NF1: variants seen among roughly 807,000 people sequenced by gnomAD.
NF1 encodes the protein neurofibromin.
Under a neutral mutation model 325.7 loss-of-function variants are expected in NF1, and 122 were observed. That is an observed-to-expected ratio of 0.37 (90% CI 0.32 to 0.44). NF1 has a LOEUF of 0.44. Ranked by LOEUF, NF1 falls within the 20% of genes least tolerant of loss-of-function variation. The probability of loss-of-function intolerance (pLI) is 1.00; values close to 1 mark genes in which losing one functional copy is unlikely to be tolerated. For synonymous variants in NF1, 1,091 were observed against 1,186.0 expected, an observed-to-expected ratio of 0.92 and a Z score of 1.65; for missense variants, 2,140 against 3,415.4, an observed-to-expected ratio of 0.63 and a Z score of 9.31.
At chr17:31,124,306 C>G (rs1459412945) in intron 1 of NF1, among the ~76,000 whole-genome samples, 1 of 151,874 alleles carries the variant, frequency 6.6e-6, no homozygotes, top group Non-Finnish European at 1.5e-5. Flanking sequence ...CCCAAGGAAT[C>G]CTCTTACCTT....
chr17:31,366,538 G>C (rs1391066709), intron 57 of NF1, among the ~76,000 whole-genome samples: 2 of 152,084 alleles, frequency 1.3e-5, no homozygotes. Flanking sequence ...CTAAACCATT[G>C]CTCTAAACTT....
intron 51 of NF1, among the ~76,000 whole-genome samples, chr17:31,353,282 C>T (rs1033001205): frequency 2.0e-5 from 3 of 152,144 alleles, no homozygotes; most frequent in Non-Finnish European, 4.4e-5. Flanking sequence ...CTGAGAAGTA[C>T]ACCTGAAATG....
intron 36 of NF1, chr17:31,321,943 A>G (rs528891219): frequency 4.9e-4 from 75 of 152,330 alleles, no homozygotes; most frequent in African/African-American, 1.7e-3. Context: ...TTTGAAATCT[A>G]CAGACTGATT....
Position 31,184,611 on chromosome 17 carries a change from C to T in NF1, c.888+1946C>T, listed in dbSNP as rs370216603. ...CCTGCAGTGAGCCGAGATTGCGCCA[C>T]TGCACTCCAGCCTGGGCGACAGCGA... On this transcript the variant is annotated intron_variant, in intron 8 of 57. Coordinates refer to ENST00000358273, the MANE Select transcript of NF1 (RefSeq NM_001042492.3). 6.7e-4 allele frequency among the ~76,000 whole-genome samples: 98 copies of T among 146,688 alleles called. 1 individual carries two copies. The highest frequency in any genetic ancestry group is 2.3e-3 in the African/African-American group (93 of 40,362).
rs771706364 is a variant in NF1, at chr17:31,349,141, C to T, written c.7211C>T (p.Ala2404Val). ...LLKGYRHPSP[A>V]IVARTVRILH... is the part of the protein sequence containing the mutation. ...GTAGGGTACAGGCATCCTTCACCTG[C>T]TATTGTTGCAAGAACAGTCAGAATT... Residue 2404 changes from alanine (A) to valine (V), a missense_variant, in exon 49 of 58, where the codon GCT becomes GTT. Ala to Val is a moderately conservative substitution (Grantham distance 64, BLOSUM62 0). Around this residue, in one of 10 missense-constraint regions of NF1, gnomAD observed 522 missense variants for 749.0 expected, o/e 0.70. Coordinates refer to ENST00000358273, the MANE Select transcript of NF1 (RefSeq NM_001042492.3). The T allele has an allele frequency of 2.5e-6, 4 of 1,603,582 alleles. No individual in the cohort carries two copies. The highest frequency in any genetic ancestry group is 1.3e-5 in the African/African-American group (1 of 74,658).
rs1397958327 is a variant in NF1 at position 31,225,190 on chromosome 17, T to C, written c.1941T>C (p.His647=). 4.3e-6 allele frequency: 7 copies of C among 1,613,890 alleles called. No homozygotes were observed. The highest frequency in any genetic ancestry group is 5.9e-6 in the Non-Finnish European group (7 of 1,179,808). Residue 647 remains histidine (H), a synonymous_variant, in exon 17 of 58, where the codon CAT becomes CAC. Coordinates refer to ENST00000358273, the MANE Select transcript of NF1 (RefSeq NM_001042492.3). ...SGNTSQMSMD[H]EELLRTPGAS... is the part of the protein sequence containing the mutation. ...ATACCAGTCAAATGTCCATGGATCA[T>C]GAAGAATTACTACGTACTCCTGGAG...
chr17:31,332,525 G>A (rs1037562998), intron 39 of NF1, among the ~76,000 whole-genome samples: 1 of 151,620 alleles, frequency 6.6e-6, no homozygotes, highest in Non-Finnish European at 1.5e-5. Context: ...ATCATGAAGG[G>A]TGCTGACCGA....
At chr17:31,352,865 A>G (rs181928082) in intron 51 of NF1, among the ~76,000 whole-genome samples, 1 of 152,264 alleles carries the variant, frequency 6.6e-6, no homozygotes, top group Admixed American at 6.5e-5. Flanking sequence ...AAAAGACAAA[A>G]AGACATGCTT....
chr17:31,238,905 C>T (rs770116356), intron 29 of NF1, among the ~76,000 whole-genome samples: 6 of 152,116 alleles, frequency 3.9e-5, no homozygotes, highest in African/African-American at 1.4e-4. Context: ...AGGAAATGGG[C>T]GCCTACAGTT....
intron 12 of NF1, among the ~76,000 whole-genome samples, chr17:31,212,776 A>G (rs1313114631): frequency 2.6e-5 from 4 of 152,192 alleles, no homozygotes; most frequent in African/African-American, 9.7e-5. Context: ...AGTATTGTAT[A>G]CTGTACATAA....
Position 31,377,507 on chromosome 17 carries a change from G to T in NF1, c.*3352G>T. 1 of 232,850 alleles carries T rather than the reference G, an allele frequency of 4.3e-6. No homozygotes were observed. Among genetic ancestry groups the T allele is most frequent in the Non-Finnish European group, 8.5e-6 (1 of 117,612 alleles). The allele number at this position is 232,850 out of a possible 1,614,324, so 14.4% of individuals were successfully genotyped here. On this transcript the variant is annotated 3_prime_UTR_variant, in exon 58 of 58. Coordinates refer to ENST00000358273, the MANE Select transcript of NF1 (RefSeq NM_001042492.3). ...AACCTTGTTAATACTGTAAACAGTT[G>T]TACGCCAGCAGGAAAAATACTGCCC...
chr17:31,155,151 C>T (rs1480350796), intron 1 of NF1, among the ~76,000 whole-genome samples: 1 of 152,142 alleles, frequency 6.6e-6, no homozygotes, highest in Non-Finnish European at 1.5e-5. Flanking sequence ...AAGTTATATT[C>T]AGGTTTGTTT....
chr17:31,204,816 T>C (rs2066592017), intron 11 of NF1, among the ~76,000 whole-genome samples: 1 of 152,132 alleles, frequency 6.6e-6, no homozygotes, highest in South Asian at 2.1e-4. Context: ...TATTCAGCTT[T>C]TTGTTACTTT....
intron 29 of NF1, among the ~76,000 whole-genome samples, chr17:31,244,639 C>G (rs2067359817): frequency 6.6e-6 from 1 of 152,170 alleles, no homozygotes; most frequent in Non-Finnish European, 1.5e-5. Flanking sequence ...TGCTGTCCGT[C>G]CCCCAAATGC....
At chr17:31,210,855 A>AT (rs2066717371) in intron 12 of NF1, among the ~76,000 whole-genome samples, 1 of 152,036 alleles carries the variant, frequency 6.6e-6, no homozygotes, top group Non-Finnish European at 1.5e-5. Context: ...TTTTATATGA[A>AT]TGTTGAGCCA....
intron 2 of NF1, among the ~76,000 whole-genome samples, chr17:31,158,280 T>C (rs190761434): frequency 2.6e-4 from 39 of 152,212 alleles, no homozygotes; most frequent in African/African-American, 8.7e-4. Flanking sequence ...GTGTAGAAAA[T>C]CATTTACCTT....
chr17:31,216,369 G>T (rs181961342), intron 13 of NF1, among the ~76,000 whole-genome samples: 35 of 152,174 alleles, frequency 2.3e-4, no homozygotes, highest in Admixed American at 1.1e-3. Flanking sequence ...TTTTCTCAAG[G>T]TAACCATAAG....
At chr17:31,202,614 C>T (rs185346767) in intron 11 of NF1, among the ~76,000 whole-genome samples, 38 of 152,172 alleles carry the variant, frequency 2.5e-4, no homozygotes, top group African/African-American at 8.9e-4. Flanking sequence ...CATTAAATGC[C>T]AGTTGTGCTG....
chr17:31,241,561 T>C (rs2067297802), intron 29 of NF1, among the ~76,000 whole-genome samples: 1 of 152,242 alleles, frequency 6.6e-6, no homozygotes, highest in Non-Finnish European at 1.5e-5. Context: ...AATAATATTT[T>C]ATGAGCCATT....
Sources: gnomAD v4.1 joint callset for allele counts (sites outside exome capture counted in the v4.1 genomes callset) on GRCh38, gnomAD v4.1.1 for gene constraint, gnomAD v4.1.1 regional missense constraint, MANE v1.5 for transcripts, NCBI Gene and HGNC (gene_info 2026-07-23, HGNC 2026-07-21) for gene names.